Variants in PAM observed in about 807,000 individuals in gnomAD.
The protein encoded by PAM is peptidyl-glycine alpha-amidating monooxygenase.
In PAM, 72 loss-of-function variants were observed where a neutral mutation model predicts 122.1. The ratio of observed to expected loss-of-function variants is 0.59; its 90% CI spans 0.49 to 0.72. The LOEUF (loss-of-function observed/expected upper bound fraction) is 0.72. PAM is among the 30% of genes least tolerant of loss of function. The probability of loss-of-function intolerance (pLI) is 0.00; values close to 1 mark genes in which losing one functional copy is unlikely to be tolerated. For missense variants in PAM, 1,106 were observed against 1,183.7 expected (o/e 0.93, Z 0.96); for synonymous variants, 389 against 404.4 (o/e 0.96, Z 0.46).
intron 5 of PAM, among the ~76,000 whole-genome samples, chr5:102,921,086 C>A (rs1747283529): frequency 6.6e-6 from 1 of 152,094 alleles, no homozygotes; most frequent in African/African-American, 2.4e-5. Flanking sequence ...TAATTCTCAT[C>A]ATTTTTACTA....
chr5:102,945,860 A>G (rs1407333412), intron 7 of PAM, among the ~76,000 whole-genome samples: 3 of 152,138 alleles, frequency 2.0e-5, no homozygotes, highest in Admixed American at 6.6e-5. Flanking sequence ...TAACTGTCAA[A>G]TGCTTTTATG....
intron 14 of PAM, among the ~76,000 whole-genome samples, chr5:102,968,167 C>T (rs1764689219): frequency 6.6e-6 from 1 of 152,112 alleles, no homozygotes; most frequent in African/African-American, 2.4e-5. Context: ...ATAAACCTAG[C>T]ACTTGAGCTC....
At chr5:103,012,804 G>A (rs1034245442) in intron 21 of PAM, among the ~76,000 whole-genome samples, 11 of 147,428 alleles carry the variant, frequency 7.5e-5, no homozygotes, top group East Asian at 4.0e-4. Flanking sequence ...TGCAGTGAGC[G>A]AAGATCGTGC....
intron 1 of PAM, among the ~76,000 whole-genome samples, chr5:102,859,477 A>T (rs1482846837): frequency 1.3e-5 from 2 of 152,130 alleles, no homozygotes; most frequent in South Asian, 2.1e-4. Context: ...TACTTGTACA[A>T]TGCATTTGTT....
chr5:102,917,857 A>G (rs2151623744), intron 5 of PAM, among the ~76,000 whole-genome samples: 1 of 152,284 alleles, frequency 6.6e-6, no homozygotes, highest in Non-Finnish European at 1.5e-5. Context: ...TTAAGTTTAT[A>G]TAAAAATAGT....
In PAM at chr5:103,006,800, G is replaced by A; in HGVS notation, c.1804-1G>A. The A allele has an allele frequency of 2.5e-6, 4 of 1,605,134 alleles. No individual in the cohort carries two copies. Among genetic ancestry groups the A allele is most frequent in the South Asian group, 1.1e-5 (1 of 90,208 alleles). ...TAAGGCTTTTGTTCCTTTTTAAAAA[G>A]GTGTTCAAACTGGATCCAAACAATA... On this transcript the variant is annotated splice_acceptor_variant, in intron 18 of 25. Transcript: ENST00000438793. LOFTEE classifies it high-confidence loss of function.
At chr5:102,850,254 G>A (rs1283026531) in intron 1 of PAM, among the ~76,000 whole-genome samples, 1 of 152,154 alleles carries the variant, frequency 6.6e-6, no homozygotes, top group Admixed American at 6.5e-5. Context: ...AACTGAGGAT[G>A]TTTTTTAGCC....
Position 102,866,101 on chromosome 5 carries a change from G to C in PAM, c.-95G>C. ...ACGCCCGCCGTGCCCGGGCCATGAA[G>C]TAGCGGCTGCTGGCGGCGCCGCTGC... is the stretch of plus-strand genomic sequence containing the variant. On this transcript the variant is annotated 5_prime_UTR_variant, in exon 2 of 26. Coordinates refer to ENST00000438793, the MANE Select transcript of PAM (RefSeq NM_001177306.2). 1.4e-6 allele frequency: 1 copy of C among 740,710 alleles called. No homozygotes were observed. The highest frequency in any genetic ancestry group is 2.2e-6 in the Non-Finnish European group (1 of 449,546). The allele number at this position is 740,710 out of a possible 1,614,324, so 45.9% of individuals were successfully genotyped here.
chr5:102,852,558 G>A (rs1427564276), intron 1 of PAM, among the ~76,000 whole-genome samples: 1 of 152,018 alleles, frequency 6.6e-6, no homozygotes, highest in Non-Finnish European at 1.5e-5. Flanking sequence ...TTATGAGTTA[G>A]TCGCACCAGG....
At chr5:102,860,341 A>C (rs757070776) in intron 1 of PAM, among the ~76,000 whole-genome samples, 5 of 152,162 alleles carry the variant, frequency 3.3e-5, no homozygotes, top group Non-Finnish European at 5.9e-5. Flanking sequence ...GTACACAAAG[A>C]GGAAGGTCTT....
Position 102,755,366 on chromosome 5 carries a change from T to C in PAM, c.-374+18T>C, listed in dbSNP as rs924342873. 2 of 152,150 alleles carry C rather than the reference T, an allele frequency of 1.3e-5. No homozygotes were observed. Among genetic ancestry groups the C allele is most frequent in the African/African-American group, 4.8e-5 (2 of 41,392 alleles). The allele number at this position is 152,150 out of a possible 1,614,324, so 9.4% of individuals were successfully genotyped here. On this transcript the variant is annotated intron_variant, in intron 1 of 25. Transcript: ENST00000438793. ...TCGCGCAGGTTGGTGTTGTTGCCGC[T>C]GCTGCCGCCACTGCGAGGCGGTCAG...
intron 16 of PAM, among the ~76,000 whole-genome samples, chr5:103,000,837 A>G (rs1299954426): frequency 1.3e-5 from 2 of 152,226 alleles, no homozygotes; most frequent in African/African-American, 4.8e-5. Flanking sequence ...CCATGATTCA[A>G]TTACTTTCCA....
At chr5:102,910,827 CT>C (rs954945079) in intron 4 of PAM, among the ~76,000 whole-genome samples, 2 of 151,770 alleles carry the variant, frequency 1.3e-5, no homozygotes, top group African/African-American at 4.8e-5. Flanking sequence ...AGAGACATTT[CT>C]TTTTAAGATG....
chr5:102,978,976 A>G (rs1287584522), intron 15 of PAM, among the ~76,000 whole-genome samples: 3 of 152,010 alleles, frequency 2.0e-5, no homozygotes, highest in Non-Finnish European at 4.4e-5. Flanking sequence ...CAAGATGCAA[A>G]GCCAGGCAGA....
chr5:102,891,304 A>G (rs1290904387), intron 3 of PAM, among the ~76,000 whole-genome samples: 1 of 151,922 alleles, frequency 6.6e-6, no homozygotes, highest in Admixed American at 6.6e-5. Flanking sequence ...ATTGCCTAAT[A>G]CTGAAGTAGA....
intron 16 of PAM, among the ~76,000 whole-genome samples, chr5:102,994,902 A>G (rs114755999): frequency 1.5e-3 from 235 of 152,282 alleles, no homozygotes; most frequent in African/African-American, 5.3e-3. Flanking sequence ...AAATTTGAAT[A>G]GCTGAATGGT....
intron 1 of PAM, among the ~76,000 whole-genome samples, chr5:102,818,797 T>G (rs1770771418): frequency 1.3e-5 from 2 of 152,174 alleles, no homozygotes; most frequent in African/African-American, 4.8e-5. Flanking sequence ...TCATCTTTAT[T>G]TACTTTTATG....
intron 1 of PAM, among the ~76,000 whole-genome samples, chr5:102,862,169 CAAAA>C (rs57758540): frequency 1.4e-5 from 1 of 70,296 alleles, no homozygotes; most frequent in Non-Finnish European, 3.5e-5. Flanking sequence ...GACCCTGTCT[CAAAA>C]AAAAAAAAAA....
intron 5 of PAM, among the ~76,000 whole-genome samples, chr5:102,915,208 C>A (rs536178646): frequency 1.3e-5 from 2 of 152,226 alleles, no homozygotes; most frequent in East Asian, 3.9e-4. Context: ...CCTGTCCTTA[C>A]ATAATCATGT....
Sources: gnomAD v4.1 joint callset for allele counts (sites outside exome capture counted in the v4.1 genomes callset) on GRCh38, gnomAD v4.1.1 for gene constraint, MANE v1.5 for transcripts, NCBI Gene and HGNC (gene_info 2026-07-23, HGNC 2026-07-21) for gene names.